RPRD2: variants seen among roughly 807,000 people sequenced by gnomAD.
RPRD2 encodes the protein regulation of nuclear pre-mRNA domain containing 2.
Under a neutral mutation model 104.4 loss-of-function variants are expected in RPRD2, and 12 were observed. The ratio of observed to expected loss-of-function variants is 0.11; its 90% CI spans 0.07 to 0.19. The LOEUF (loss-of-function observed/expected upper bound fraction) is 0.19, where lower values mean the gene tolerates loss of function less well. RPRD2 is among the 10% of genes least tolerant of loss of function. The pLI is 1.00. For missense variants in RPRD2, 1,543 were observed against 1,790.1 expected (o/e 0.86, Z 2.49); for synonymous variants, 714 against 684.9 (o/e 1.04, Z -0.66).
chr1:150,431,485 T>TTTTTTTTTTTTTTTTTTTTG (rs1665580230), intron 2 of RPRD2, among the ~76,000 whole-genome samples: 1 of 141,954 alleles, frequency 7.0e-6, no homozygotes, highest in Non-Finnish European at 1.5e-5. Flanking sequence ...TTTTTTTTTT[T>TTTTTTTTTTTTTTTTTTTTG]TTTTTTTTTT....
rs780844562 is a variant in RPRD2, at chr1:150,472,098, C to T, written c.3150C>T (p.Thr1050=). The T allele has an allele frequency of 2.0e-5, 33 of 1,613,690 alleles. No homozygotes were observed. Among genetic ancestry groups the T allele is most frequent in the East Asian group, 6.7e-5 (3 of 44,896 alleles). ...SLSNLTQPSL[T]ATDQQQQEEH... ...CAAACCTCACCCAACCCAGCTTGAC[C>T]GCCACTGATCAGCAGCAACAAGAAG... The change falls in exon 11 of 11, where the codon ACC becomes ACT. Residue 1050 remains threonine, a synonymous_variant. Transcript: ENST00000369068.
At chr1:150,374,776 A>G (rs1660576775) in intron 1 of RPRD2, among the ~76,000 whole-genome samples, 3 of 152,228 alleles carry the variant, frequency 2.0e-5, no homozygotes, top group African/African-American at 7.2e-5. Context: ...GGGGCATTCT[A>G]GTATTTTAGA....
intron 2 of RPRD2, among the ~76,000 whole-genome samples, chr1:150,423,315 A>G (rs1404449120): frequency 2.6e-5 from 4 of 152,230 alleles, no homozygotes; most frequent in African/African-American, 7.2e-5. Flanking sequence ...TATAGATTAT[A>G]GAAGAATCCC....
At chr1:150,464,877 T>C in intron 10 of RPRD2, 150 bp downstream of exon 10, 1 of 395,244 alleles carries the variant, frequency 2.5e-6, no homozygotes, top group Non-Finnish European at 3.9e-6. Context: ...TATTTATTTA[T>C]TTAAAATTTT....
chr1:150,457,654 A>C, intron 8 of RPRD2, 84 bp downstream of exon 8: 1 of 1,154,170 alleles, frequency 8.7e-7, no homozygotes, highest in Non-Finnish European at 1.3e-6. Context: ...GCAGGTATTG[A>C]AAGATAGTTC....
intron 1 of RPRD2, among the ~76,000 whole-genome samples, chr1:150,394,110 G>A (rs1553883717): frequency 1.3e-5 from 2 of 152,056 alleles, no homozygotes; most frequent in Non-Finnish European, 2.9e-5. Context: ...GAGTGCAATG[G>A]CGCGATCTCG....
rs117341696 is a variant in RPRD2 at position 150,471,550 on chromosome 1, G to A, written c.2602G>A (p.Glu868Lys). The A allele has an allele frequency of 6.0e-3, 9,662 of 1,613,730 alleles. 301 individuals carry two copies. The South Asian group carries it at 0.064, about 11-fold the overall frequency. The part of the protein sequence containing the change: ...LKSSKLSDTT[E>K]YQPILSSYSH... ...ATCAAGCAAGCTGTCTGATACCACC[G>A]AGTACCAGCCAATTCTGTCCAGTTA... The change falls in exon 11 of 11, where the codon GAG becomes AAG. Residue 868 changes from glutamate to lysine, a missense_variant. Physicochemically the swap from Glu to Lys is moderately conservative, Grantham distance 56. Around this residue, in one of 4 missense-constraint regions of RPRD2, gnomAD observed 880 missense variants for 885.6 expected, o/e 0.99. Coordinates refer to ENST00000369068, the MANE Select transcript of RPRD2 (RefSeq NM_015203.5). The surrounding 1 kb of genome is among the most constrained non-coding windows in gnomAD (Gnocchi z 5.3).
intron 1 of RPRD2, among the ~76,000 whole-genome samples, chr1:150,391,956 T>C (rs2102180003): frequency 6.6e-6 from 1 of 151,970 alleles, no homozygotes; most frequent in Middle Eastern, 3.4e-3. Context: ...TTCGGTATTG[T>C]AGTTCAAGAA....
Position 150,364,874 on chromosome 1 carries a change from C to T in RPRD2, c.160C>T (p.His54Tyr), listed in dbSNP as rs1659712890. 1 of 1,613,960 alleles carries T rather than the reference C, an allele frequency of 6.2e-7. No individual in the cohort carries two copies. Among genetic ancestry groups the T allele is most frequent in the Non-Finnish European group, 8.5e-7 (1 of 1,179,860 alleles). Residue 54 changes from histidine to tyrosine, a missense_variant, in exon 1 of 11, where the codon CAC (histidine) becomes TAC (tyrosine). Around this residue, in one of 4 missense-constraint regions of RPRD2, gnomAD observed 88 missense variants for 96.6 expected, o/e 0.91. Coordinates refer to ENST00000369068, the MANE Select transcript of RPRD2 (RefSeq NM_015203.5). ...GTCTTGGTGTATAGAGAACAAAAAA[C>T]ACCACAGTACTATCGTCTATCATTG... ...LSSWCIENKKHHSTIVYHWMK... is the reference protein window; with the variant it reads ...LSSWCIENKKYHSTIVYHWMK...
At chr1:150,461,986 CAAAA>C (rs1175872329) in intron 9 of RPRD2, among the ~76,000 whole-genome samples, 2 of 120,542 alleles carry the variant, frequency 1.7e-5, no homozygotes, top group East Asian at 5.0e-4. Context: ...CAAAAAAAAA[CAAAA>C]AACAAAAATT....
At chr1:150,462,335 C>G (rs782133374) in intron 9 of RPRD2, among the ~76,000 whole-genome samples, 1 of 151,806 alleles carries the variant, frequency 6.6e-6, no homozygotes, top group East Asian at 1.9e-4. Context: ...ATCCCAGCTA[C>G]TCATAAGGCT....
At position 150,473,180 on chromosome 1, in the gene RPRD2, G is replaced by T; in HGVS notation, c.4232G>T (p.Gly1411Val). ...CACAGAGACACCATCAGCCGGAGTG[G>T]TATAATCTTACGGAGTCCCCGGCCA... ...PSHRDTISRS[G>V]IILRSPRPDF... is the part of the protein sequence containing the mutation. The change falls in exon 11 of 11, where the codon GGT becomes GTT. Residue 1411 changes from glycine to valine, a missense_variant. By Grantham distance (109) the Gly-to-Val change is moderately radical. Coordinates refer to ENST00000369068, the MANE Select transcript of RPRD2 (RefSeq NM_015203.5). The T allele has an allele frequency of 6.2e-7, 1 of 1,613,994 alleles. No individual in the cohort carries two copies. The highest frequency in any genetic ancestry group is 1.1e-5 in the South Asian group (1 of 91,084).
intron 2 of RPRD2, among the ~76,000 whole-genome samples, chr1:150,434,573 T>C (rs587702757): frequency 6.6e-6 from 1 of 152,202 alleles, no homozygotes; most frequent in South Asian, 2.1e-4. Context: ...CCCAACACTT[T>C]GGGAGGCCGA....
At chr1:150,441,634 T>A (rs1666409806) in intron 3 of RPRD2, 1 of 348,020 alleles carries the variant, frequency 2.9e-6, no homozygotes, top group Admixed American at 4.5e-5. Context: ...TTAATTGGTA[T>A]TTTTAAGCCT....
chr1:150,460,671 G>A (rs1667871952), intron 9 of RPRD2, among the ~76,000 whole-genome samples: 1 of 151,468 alleles, frequency 6.6e-6, no homozygotes, highest in Non-Finnish European at 1.5e-5. Context: ...CCAAAGTGCT[G>A]GGATTATAGG....
chr1:150,462,777 G>A (rs587726223), intron 9 of RPRD2, among the ~76,000 whole-genome samples: 13 of 152,186 alleles, frequency 8.5e-5, no homozygotes, highest in African/African-American at 9.6e-5. Context: ...GGATGGTCTC[G>A]ATCTCCTGAC....
chr1:150,441,070 T>C, intron 3 of RPRD2, 47 bp downstream of exon 3: 1 of 888,464 alleles, frequency 1.1e-6, no homozygotes, highest in Non-Finnish European at 1.8e-6. Context: ...AGTCAGTCTT[T>C]ACAATTACAT....
rs143685522 is a variant in RPRD2 at position 150,416,048 on chromosome 1, C to G, written c.206-1548C>G. 2.0e-3 allele frequency among the ~76,000 whole-genome samples: 308 copies of G among 152,202 alleles called. 1 individual carries two copies. Among genetic ancestry groups the G allele is most frequent in the Non-Finnish European group, 4.0e-3 (272 of 68,022 alleles). On this transcript the variant is annotated intron_variant, in intron 1 of 10. Coordinates refer to ENST00000369068, the MANE Select transcript of RPRD2 (RefSeq NM_015203.5). ...GGGACTGTATGTAGCATTGCGGGCC[C>G]AGGTGAAGAAGGAGACTTTTAATTC...
intron 1 of RPRD2, among the ~76,000 whole-genome samples, chr1:150,401,998 C>T (rs1160068342): frequency 2.7e-5 from 4 of 147,550 alleles, no homozygotes; most frequent in Non-Finnish European, 4.5e-5. Context: ...GTCTCACTGT[C>T]ACCCAGGCTG....
Sources: allele counts gnomAD v4.1 joint callset (sites outside exome capture counted in the v4.1 genomes callset), GRCh38; gene constraint gnomAD v4.1.1; regional missense constraint gnomAD v4.1.1; non-coding constraint Gnocchi (gnomAD v3.1); transcripts MANE v1.5; gene names NCBI Gene and HGNC (gene_info 2026-07-23, HGNC 2026-07-21).